Variants in PROS1 observed in about 807,000 individuals in gnomAD.
The protein encoded by PROS1 is protein S, also known as vitamin K-dependent protein S.
A neutral mutation model predicts 75.9 loss-of-function variants in PROS1; 29 were observed. The ratio of observed to expected loss-of-function variants is 0.38; its 90% confidence interval spans 0.28 to 0.52. The LOEUF is 0.52. Ranked by LOEUF, PROS1 falls within the 20% of genes least tolerant of loss-of-function variation. The pLI, the probability that PROS1 is intolerant of heterozygous loss-of-function variation, is 0.83. For missense variants in PROS1, 680 were observed against 810.3 expected (o/e 0.84, Z 1.95); for synonymous variants, 245 against 280.6 (o/e 0.87, Z 1.27).
chr3:93,971,355 CTAAATAAATAAATAAATAAATAAATAAA>C lies in PROS1; in HGVS notation c.76+2291_76+2318del, dbSNP rs62998164. ...TGGGCAACAGAGCAAGACTCCATCT[CTAAATAAATAAATAAATAAATAAATAAA>C]TAAATAAATAAATAAATAATTCTAA... On this transcript the variant is annotated intron_variant, in intron 1 of 14. Coordinates refer to ENST00000394236, the MANE Select transcript of PROS1 (RefSeq NM_000313.4). 5.1e-3 allele frequency among the ~76,000 whole-genome samples: 699 copies of C among 136,878 alleles called. 2 individuals carry two copies. Among genetic ancestry groups the C allele is most frequent in the Middle Eastern group, 0.015 (4 of 272 alleles). 89.8% of individuals were successfully genotyped at this position (136,878 alleles called of 152,430 possible). A position where few individuals can be genotyped will look rare whatever the true frequency, so the allele number is the denominator to read the frequency against.
chr3:93,878,329 C>T (rs1708220988), intron 13 of PROS1, among the ~76,000 whole-genome samples: 1 of 152,190 alleles, frequency 6.6e-6, no homozygotes, highest in African/African-American at 2.4e-5. Flanking sequence ...TTTTAGGTTA[C>T]TTATGGTTAA....
At chr3:93,878,749 A>G (rs1266123647) in intron 13 of PROS1, among the ~76,000 whole-genome samples, 5 of 152,220 alleles carry the variant, frequency 3.3e-5, no homozygotes, top group Non-Finnish European at 7.3e-5. Flanking sequence ...AAACATTATA[A>G]TTAAGCACTG....
Position 93,879,239 on chromosome 3 carries a change from A to G in PROS1, c.1568T>C (p.Met523Thr), listed in dbSNP as rs1483547708. Residue 523 changes from methionine to threonine, a missense_variant, in exon 13 of 15, where the codon ATG becomes ACG. Met to Thr is a moderately conservative substitution (Grantham distance 81). Transcript: ENST00000394236. ...GTTGTTACCAGAAACCAAGGCAAGC[A>G]TAACACCAGTGCCCGTGGATGGACG... is the stretch of plus-strand genomic sequence containing the variant. ...NIRPSTGTGV[M>T]LALVSGNNTV... 2 of 1,614,194 alleles carry G rather than the reference A, an allele frequency of 1.2e-6. No homozygotes were observed. The highest frequency in any genetic ancestry group is 1.7e-6 in the Non-Finnish European group (2 of 1,180,016).
chr3:93,957,884 T>G (rs1301787193), intron 1 of PROS1, among the ~76,000 whole-genome samples: 2 of 151,846 alleles, frequency 1.3e-5, no homozygotes, highest in Admixed American at 1.3e-4. Flanking sequence ...GGATCAGGAG[T>G]TCGAGACCAG....
chr3:93,960,096 C>T (rs1709677982), intron 1 of PROS1, among the ~76,000 whole-genome samples: 1 of 151,862 alleles, frequency 6.6e-6, no homozygotes, highest in South Asian at 2.1e-4. Flanking sequence ...ATGTTTCTAA[C>T]AGACATAGTG....
chr3:93,912,498 C>G (rs1708773912), intron 3 of PROS1, among the ~76,000 whole-genome samples: 1 of 152,122 alleles, frequency 6.6e-6, no homozygotes, highest in Non-Finnish European at 1.5e-5. Context: ...ATTATTCAGC[C>G]TACCATGGTG....
chr3:93,934,981 C>G (rs1055446545), intron 1 of PROS1, among the ~76,000 whole-genome samples: 6 of 151,540 alleles, frequency 4.0e-5, no homozygotes, highest in Admixed American at 1.3e-4. Context: ...AGATTAAAAC[C>G]TTTGATTAAC....
At position 93,873,677 on chromosome 3, in the gene PROS1, AC is replaced by A. The variant is rs1708140893; in HGVS notation, c.*567del. 1 of 153,214 alleles carries A rather than the reference AC, an allele frequency of 6.5e-6. No homozygotes were observed. The allele number at this position is 153,214 out of a possible 1,614,324, so 9.5% of individuals were successfully genotyped here. On this transcript the variant is annotated 3_prime_UTR_variant, in exon 15 of 15. Transcript: ENST00000394236. ...ACTTGTTTTCTAATTCAATAAAGAT[AC>A]TGGTTTAAATGTGAAGCCACACAAG...
chr3:93,927,096 G>C (rs1239249153), intron 2 of PROS1, among the ~76,000 whole-genome samples, 154 bp downstream of exon 2: 1 of 152,206 alleles, frequency 6.6e-6, no homozygotes, highest in Admixed American at 6.5e-5. Context: ...TCCTTTGAAG[G>C]TACTTCCTCC....
At chr3:93,973,256 T>G (rs1709908063) in intron 1 of PROS1, among the ~76,000 whole-genome samples, 1 of 152,142 alleles carries the variant, frequency 6.6e-6, no homozygotes, top group Admixed American at 6.6e-5. Context: ...GGAGGCAGGT[T>G]TCAGGAGACG....
intron 6 of PROS1, among the ~76,000 whole-genome samples, chr3:93,901,216 G>A (rs1462899736): frequency 2.6e-5 from 4 of 152,150 alleles, no homozygotes; most frequent in African/African-American, 9.7e-5. Context: ...GTTGTGGTGC[G>A]AAAATAAATG....
rs1273915277 is a variant in PROS1 at position 93,928,010 on chromosome 3, TA to T, written c.77-604del. Among the ~76,000 whole-genome samples the T allele has an allele frequency of 3.8e-4, 10 of 25,988 alleles. No individual in the cohort carries two copies. In the East Asian group the frequency reaches 4.4e-3, roughly 11 times the overall value. The allele number at this position is 25,988 out of a possible 152,430, so 17.0% of individuals were successfully genotyped here. On this transcript the variant is annotated intron_variant, in intron 1 of 14. Transcript: ENST00000394236. ...GTGTGTGTGTATATATATATATATATATTTTTTTTTTTTTTTTTTTTTGAGA... is the reference window on the plus strand; with the variant it reads ...GTGTGTGTGTATATATATATATATATTTTTTTTTTTTTTTTTTTTTTGAGA...
chr3:93,966,530 G>A (rs1467092073), intron 1 of PROS1, among the ~76,000 whole-genome samples: 4 of 152,276 alleles, frequency 2.6e-5, no homozygotes, highest in African/African-American at 7.2e-5. Flanking sequence ...AACAAAGGAA[G>A]ATAATTTGGT....
chr3:93,885,782 T>C (rs756764371), intron 11 of PROS1, among the ~76,000 whole-genome samples: 1 of 152,220 alleles, frequency 6.6e-6, no homozygotes, highest in Non-Finnish European at 1.5e-5. Flanking sequence ...CTTAATATCA[T>C]ATAATGGAAA....
intron 1 of PROS1, among the ~76,000 whole-genome samples, chr3:93,960,369 A>G (rs948537241): frequency 2.0e-5 from 3 of 151,252 alleles, no homozygotes; most frequent in Non-Finnish European, 2.9e-5. Flanking sequence ...AGTAGAGATG[A>G]GTTTCACTGT....
intron 1 of PROS1, among the ~76,000 whole-genome samples, chr3:93,973,085 TACAA>T (rs1709904793): frequency 6.6e-6 from 1 of 152,176 alleles, no homozygotes; most frequent in Non-Finnish European, 1.5e-5. Context: ...AAATCCTCAG[TACAA>T]ACGATCTGAG....
At chr3:93,914,780 C>G (rs1210935369) in intron 3 of PROS1, among the ~76,000 whole-genome samples, 1 of 152,142 alleles carries the variant, frequency 6.6e-6, no homozygotes, top group Admixed American at 6.5e-5. Flanking sequence ...ATTACCCAAG[C>G]AGTGTACACT....
In PROS1 at chr3:93,948,480, G is replaced by A. The variant is rs148042028; in HGVS notation, c.77-21073C>T. On this transcript the variant is annotated intron_variant, in intron 1 of 14. Coordinates refer to ENST00000394236, the MANE Select transcript of PROS1 (RefSeq NM_000313.4). ...GATATCCTTGTTAACTTTCTGTCTC[G>A]CTGATCTGTCTAATGTTGACAATGG... 6.5e-3 allele frequency among the ~76,000 whole-genome samples: 989 copies of A among 152,174 alleles called. 6 individuals are homozygous for A. Among genetic ancestry groups the A allele is most frequent in the Middle Eastern group, 0.017 (5 of 294 alleles).
At chr3:93,917,666 G>T (rs867801717) in intron 3 of PROS1, among the ~76,000 whole-genome samples, 20 of 152,226 alleles carry the variant, frequency 1.3e-4, no homozygotes, top group Middle Eastern at 3.4e-3. Flanking sequence ...TGGGCTTGGC[G>T]GGCCGGCACT....
Sources: gnomAD v4.1 joint callset for allele counts (sites outside exome capture counted in the v4.1 genomes callset) on GRCh38, gnomAD v4.1.1 for gene constraint, MANE v1.5 for transcripts, NCBI Gene and HGNC (gene_info 2026-07-23, HGNC 2026-07-21) for gene names.